The following ACLY variants were observed in gnomAD, a reference collection of about 807,000 sequenced individuals.
The protein encoded by ACLY is ATP citrate lyase, also known as ATP-citrate synthase.
ACLY carries 41 observed loss-of-function variants against 133.0 expected under a neutral mutation model. The ratio of observed to expected loss-of-function variants is 0.31; its 90% CI spans 0.24 to 0.40. The LOEUF (loss-of-function observed/expected upper bound fraction) is 0.40. Ranked by LOEUF, ACLY falls within the 10% of genes least tolerant of loss-of-function variation. The pLI, the probability that ACLY is intolerant of heterozygous loss-of-function variation, is 1.00. For synonymous variants in ACLY, 495 were observed against 549.3 expected (o/e 0.90, Z 1.38); for missense variants, 1,046 against 1,453.8 (o/e 0.72, Z 4.56).
At chr17:41,901,475 A>T (rs1402399142) in intron 11 of ACLY, among the ~76,000 whole-genome samples, 1 of 152,098 alleles carries the variant, frequency 6.6e-6, no homozygotes, top group African/African-American at 2.4e-5. Context: ...TCTTTAATAA[A>T]TATCTGTTAA....
intron 28 of ACLY, 112 bp downstream of exon 28, chr17:41,868,597 A>C: frequency 1.5e-6 from 1 of 645,964 alleles, no homozygotes; most frequent in Non-Finnish European, 2.4e-6. Flanking sequence ...ACAAAAAGAA[A>C]ATTAAAAAAA....
chr17:41,872,281 A>C, intron 23 of ACLY, 99 bp from the exon 24 acceptor site: 1 of 1,228,576 alleles, frequency 8.1e-7, no homozygotes. Context: ...AAGAAGGGTA[A>C]CTACCAATCC....
intron 11 of ACLY, among the ~76,000 whole-genome samples, chr17:41,899,674 A>C (rs2049472570): frequency 6.6e-6 from 1 of 152,192 alleles, no homozygotes; most frequent in Non-Finnish European, 1.5e-5. Context: ...TCTAATTTTA[A>C]GAGCATGATC....
intron 6 of ACLY, 31 bp downstream of exon 6, chr17:41,908,958 T>C: frequency 6.3e-7 from 1 of 1,576,590 alleles, no homozygotes; most frequent in Non-Finnish European, 8.7e-7. Context: ...CTGGGACCCT[T>C]GCCCCCTCCC....
At chr17:41,879,673 AAAAAAAAAAAAAAAG>A (rs1555626901) in intron 20 of ACLY, among the ~76,000 whole-genome samples, 22 of 124,314 alleles carry the variant, frequency 1.8e-4, no homozygotes, top group African/African-American at 5.6e-4. Flanking sequence ...AAAAAAAAAA[AAAAAAAAAAAAAAAG>A]AAGTGCTAAA....
At chr17:41,891,682 G>A (rs1241635728) in intron 16 of ACLY, among the ~76,000 whole-genome samples, 3 of 151,740 alleles carry the variant, frequency 2.0e-5, no homozygotes, top group Admixed American at 6.6e-5. Flanking sequence ...CATGCCCAGC[G>A]TATATTTTAT....
chr17:41,920,427 A>G (rs2050163229), upstream of ACLY, among the ~76,000 whole-genome samples: 1 of 151,802 alleles, frequency 6.6e-6, no homozygotes, highest in Admixed American at 6.6e-5. Flanking sequence ...CCATCTCTAC[A>G]AAAAATACAA....
chr17:41,923,122 A>G (rs2050202006), upstream of ACLY, among the ~76,000 whole-genome samples: 2 of 152,258 alleles, frequency 1.3e-5, no homozygotes, highest in African/African-American at 2.4e-5. Flanking sequence ...GCCTGAGCTC[A>G]GGAGTTCAAA....
chr17:41,896,536 G>A (rs2049370985), intron 14 of ACLY, 84 bp downstream of exon 14: 2 of 1,281,698 alleles, frequency 1.6e-6, no homozygotes, highest in Admixed American at 4.7e-5. Flanking sequence ...ACCCACCAGG[G>A]GAGGGGGAAA....
intron 22 of ACLY, 119 bp downstream of exon 22, chr17:41,877,984 C>A (rs946254073): frequency 1.4e-5 from 7 of 498,460 alleles, no homozygotes; most frequent in Non-Finnish European, 2.4e-5. Context: ...TCTAAGAGAT[C>A]CCCGACTAAT....
chr17:41,896,387 A>C (rs1313315386), intron 14 of ACLY, among the ~76,000 whole-genome samples: 5 of 152,184 alleles, frequency 3.3e-5, no homozygotes, highest in Non-Finnish European at 7.3e-5. Flanking sequence ...GCTTGGAGCC[A>C]GAAACAGCCA....
rs1444067305 is a variant in ACLY, at chr17:41,918,938, C to T, written c.-82G>A. ...CAGGCCCGACGAACCCCGCAAAATC[C>T]GGAGCACCCCAGCAGCCGGTAGCTT... On this transcript the variant is annotated 5_prime_UTR_variant, in exon 1 of 29. Transcript: ENST00000352035. The T allele has an allele frequency of 9.5e-5, 123 of 1,289,290 alleles. No individual in the cohort carries two copies. The highest frequency in any genetic ancestry group is 4.8e-4 in the Admixed American group (21 of 43,526). 79.9% of individuals were successfully genotyped at this position (1,289,290 alleles called of 1,614,324 possible). A position where few individuals can be genotyped will look rare whatever the true frequency, so the allele number is the denominator to read the frequency against.
chr17:41,890,376 G>A (rs2049171137), intron 16 of ACLY, among the ~76,000 whole-genome samples: 1 of 150,146 alleles, frequency 6.7e-6, no homozygotes, highest in Non-Finnish European at 1.5e-5. Context: ...TTGGGAAGCT[G>A]ACCGATTGAA....
chr17:41,924,060 C>T (rs148081921), intron 1 of ACLY, among the ~76,000 whole-genome samples: 14 of 152,290 alleles, frequency 9.2e-5, no homozygotes, highest in African/African-American at 2.9e-4. Context: ...CCGCCTGCCT[C>T]GGCATCCCAA....
rs1597987353 is a variant in ACLY, at chr17:41,882,786, C to T, written c.2265+336G>A. On this transcript the variant is annotated intron_variant, in intron 20 of 28. Transcript: ENST00000352035. ...CCTTCTCCCTCCTTGGCCTCCCTTT[C>T]ATCAGCAAAGCCCTTCTCATCCCCT... Among the ~76,000 whole-genome samples the T allele has an allele frequency of 3.9e-5, 6 of 152,310 alleles. No homozygotes were observed. In the South Asian group the frequency reaches 1.2e-3, roughly 32 times the overall value.
chr17:41,919,053 C>G, upstream of ACLY: 1 of 1,279,122 alleles, frequency 7.8e-7, no homozygotes, highest in Non-Finnish European at 1.0e-6. Flanking sequence ...TGGCCACACG[C>G]GTTCCCTAGC....
At chr17:41,898,597 C>A in intron 12 of ACLY, 34 bp downstream of exon 12, 5 of 1,607,180 alleles carry the variant, frequency 3.1e-6, no homozygotes, top group Non-Finnish European at 4.3e-6. Flanking sequence ...TGAGATGGTT[C>A]CTTCCTGTAA....
chr17:41,900,083 A>G (rs1598018715), intron 11 of ACLY, among the ~76,000 whole-genome samples: 1 of 137,862 alleles, frequency 7.3e-6, no homozygotes. Flanking sequence ...AAAAAAAAAA[A>G]AAAAAAAAAA....
chr17:41,879,724 CTTTT>C (rs200302862), intron 20 of ACLY, among the ~76,000 whole-genome samples: 1 of 99,820 alleles, frequency 1.0e-5, no homozygotes, highest in Admixed American at 1.1e-4. Context: ...TTCTTTCTTT[CTTTT>C]TTTTTTCGAG....
Sources: allele counts gnomAD v4.1 joint callset (sites outside exome capture counted in the v4.1 genomes callset), GRCh38; gene constraint gnomAD v4.1.1; transcripts MANE v1.5; gene names NCBI Gene and HGNC (gene_info 2026-07-23, HGNC 2026-07-21).